Variants in TRIO observed in about 807,000 individuals in gnomAD.
The protein encoded by TRIO is triple functional domain protein.
A neutral mutation model predicts 351.9 loss-of-function variants in TRIO; 58 were observed. The ratio of observed to expected loss-of-function variants is 0.16; its 90% confidence interval spans 0.13 to 0.21. TRIO has a LOEUF of 0.21. Among genes scored for constraint, TRIO ranks in the 10% least tolerant of loss-of-function variants. The pLI is 1.00. For missense variants in TRIO, 3,201 were observed against 4,027.8 expected (o/e 0.79, Z 5.56); for synonymous variants, 1,758 against 1,595.7 (o/e 1.10, Z -2.42).
At chr5:14,468,979 T>C (rs555470707) in intron 37 of TRIO, among the ~76,000 whole-genome samples, 1 of 152,236 alleles carries the variant, frequency 6.6e-6, no homozygotes, top group Non-Finnish European at 1.5e-5. Context: ...TTTTAAAGGC[T>C]GTGCATTTTT....
intron 45 of TRIO, 132 bp from the exon 46 acceptor site, chr5:14,482,450 T>C (rs1363946920): frequency 2.9e-6 from 2 of 692,962 alleles, no homozygotes; most frequent in African/African-American, 3.7e-5. Context: ...AAAAAAAAAA[T>C]TAAACTCCAT....
chr5:14,477,833 C>T (rs1172805899), intron 41 of TRIO, among the ~76,000 whole-genome samples: 2 of 152,164 alleles, frequency 1.3e-5, no homozygotes, highest in African/African-American at 4.8e-5. Context: ...TACACAGTAT[C>T]CAAAAATCCA....
rs368915850 is a variant in TRIO, at chr5:14,258,040, A to AC, written c.158-12778dup. ...AGAGACTAGGTAACTGCCCACAGTC[A>AC]CCCCCCCTGGGAGGTGGCAAGCCCA... On this transcript the variant is annotated intron_variant, in intron 1 of 56. Coordinates refer to ENST00000344204, the MANE Select transcript of TRIO (RefSeq NM_007118.4). 9.9e-3 allele frequency among the ~76,000 whole-genome samples: 1,503 copies of AC among 152,004 alleles called. 29 individuals are homozygous for AC. Among genetic ancestry groups the AC allele is most frequent in the African/African-American group, 0.035 (1,432 of 41,378 alleles).
intron 3 of TRIO, among the ~76,000 whole-genome samples, chr5:14,281,231 A>G (rs1209815365): frequency 6.6e-6 from 1 of 152,154 alleles, no homozygotes; most frequent in East Asian, 1.9e-4. Flanking sequence ...TAATTGATTT[A>G]ATGGCTAGGG....
intron 2 of TRIO, among the ~76,000 whole-genome samples, chr5:14,272,871 A>G (rs1796057419): frequency 6.6e-6 from 1 of 152,250 alleles, no homozygotes; most frequent in Admixed American, 6.5e-5. Flanking sequence ...GTTGTATTAC[A>G]TTTTTTGAAA....
intron 1 of TRIO, among the ~76,000 whole-genome samples, chr5:14,251,315 C>T (rs1050981763): frequency 3.3e-5 from 5 of 152,196 alleles, no homozygotes; most frequent in Non-Finnish European, 5.9e-5. Flanking sequence ...CCTCTAGGGA[C>T]TCTCAGTTAA....
intron 2 of TRIO, among the ~76,000 whole-genome samples, chr5:14,276,474 AAC>A (rs1279575726): frequency 2.6e-5 from 4 of 152,232 alleles, no homozygotes; most frequent in Non-Finnish European, 2.9e-5. Context: ...GCGTCCTTTT[AAC>A]AGAGTTGTAT....
intron 11 of TRIO, among the ~76,000 whole-genome samples, chr5:14,349,196 G>A (rs1009587825): frequency 6.7e-6 from 1 of 149,180 alleles, no homozygotes; most frequent in African/African-American, 2.5e-5. Flanking sequence ...GTGTGTATAT[G>A]TGTGCACACA....
chr5:14,383,022 C>G (rs1048708768), intron 21 of TRIO, among the ~76,000 whole-genome samples: 1 of 152,162 alleles, frequency 6.6e-6, no homozygotes, highest in Admixed American at 6.5e-5. Context: ...ACCATAATGG[C>G]TCAGTGCATC....
At chr5:14,392,769 G>T (rs540611092) in intron 27 of TRIO, among the ~76,000 whole-genome samples, 1 of 152,286 alleles carries the variant, frequency 6.6e-6, no homozygotes, top group South Asian at 2.1e-4. Context: ...AGTTTGGGCC[G>T]GGCACAGCGG....
intron 1 of TRIO, among the ~76,000 whole-genome samples, chr5:14,186,040 T>A (rs1790090557): frequency 6.6e-6 from 1 of 152,232 alleles, no homozygotes; most frequent in Non-Finnish European, 1.5e-5. Flanking sequence ...TTAAACAGAC[T>A]TTTAAGAGGT....
intron 51 of TRIO, 71 bp from the exon 52 acceptor site, chr5:14,498,018 C>T (rs539631851): frequency 5.0e-5 from 81 of 1,611,044 alleles, no homozygotes; most frequent in South Asian, 3.1e-4. Context: ...ATCAATCTGT[C>T]GGGGACATGT....
rs1216528816 is a variant in TRIO at position 14,508,230 on chromosome 5, C to T, written c.9102C>T (p.Asp3034=). The T allele has an allele frequency of 6.2e-7, 1 of 1,613,968 alleles. No homozygotes were observed. Among genetic ancestry groups the T allele is most frequent in the Admixed American group, 1.7e-5 (1 of 60,012 alleles). ...KEFVCFLLQE[D]PAKRPSAALA... is the part of the protein sequence containing the mutation. ...TCGTGTGCTTCCTCCTGCAGGAGGA[C>T]CCCGCCAAGCGTCCCTCGGCTGCGC... The change falls in exon 57 of 57, where the codon GAC becomes GAT. Residue 3034 remains aspartate, a synonymous_variant. Transcript: ENST00000344204.
chr5:14,305,497 T>C (rs1472371906), intron 8 of TRIO, among the ~76,000 whole-genome samples: 1 of 152,262 alleles, frequency 6.6e-6, no homozygotes, highest in African/African-American at 2.4e-5. Context: ...CAGTGTTCTA[T>C]GTTAATATGA....
chr5:14,215,444 G>C (rs139017663), intron 1 of TRIO, among the ~76,000 whole-genome samples: 58 of 152,306 alleles, frequency 3.8e-4, no homozygotes, highest in African/African-American at 1.3e-3. Context: ...TAGTGAATAT[G>C]CTAGTGATAA....
intron 8 of TRIO, among the ~76,000 whole-genome samples, chr5:14,312,548 CG>C (rs1033722092): frequency 1.3e-5 from 2 of 152,110 alleles, no homozygotes; most frequent in African/African-American, 4.8e-5. Flanking sequence ...CTGATCTGAT[CG>C]GTTCAAAAAT....
intron 7 of TRIO, among the ~76,000 whole-genome samples, chr5:14,300,535 C>T (rs1490878042): frequency 2.6e-5 from 4 of 152,282 alleles, no homozygotes; most frequent in East Asian, 3.9e-4. Context: ...ACCACACATC[C>T]GATCACCTTA....
At chr5:14,154,537 A>C (rs1787998352) in intron 1 of TRIO, among the ~76,000 whole-genome samples, 1 of 152,092 alleles carries the variant, frequency 6.6e-6, no homozygotes, top group Admixed American at 6.6e-5. Context: ...CCACTGTCTC[A>C]GGCACGTGTC....
Position 14,390,977 on chromosome 5 carries a change from G to T in TRIO, c.4205G>T (p.Gly1402Val). 1 of 1,606,400 alleles carries T rather than the reference G, an allele frequency of 6.2e-7. No homozygotes were observed. The highest frequency in any genetic ancestry group is 8.5e-7 in the Non-Finnish European group (1 of 1,177,786). Residue 1402 changes from glycine (G) to valine (V), a missense_variant, in exon 27 of 57, where the codon GGG becomes GTG. Around this residue, in one of 19 missense-constraint regions of TRIO, gnomAD observed 115 missense variants for 239.6 expected, o/e 0.48. Transcript: ENST00000344204. ...ACTCAGCTGATATTGGAACATGCAGGGTCCTATTTTGACGTAAGTAATAGA... is the reference window on the plus strand; with the variant it reads ...ACTCAGCTGATATTGGAACATGCAGTGTCCTATTTTGACGTAAGTAATAGA... The part of the protein sequence containing the change: ...DSTQLILEHA[G>V]SYFDEIQQRH...
Sources: gnomAD v4.1 joint callset for allele counts (sites outside exome capture counted in the v4.1 genomes callset) on GRCh38, gnomAD v4.1.1 for gene constraint, gnomAD v4.1.1 regional missense constraint, MANE v1.5 for transcripts, NCBI Gene and HGNC (gene_info 2026-07-23, HGNC 2026-07-21) for gene names.